PCDH9: variants seen among roughly 807,000 people sequenced by gnomAD.
PCDH9 encodes protocadherin-9.
A neutral mutation model predicts 70.6 loss-of-function variants in PCDH9; 24 were observed. The ratio of observed to expected loss-of-function variants is 0.34; its 90% CI spans 0.25 to 0.48. PCDH9 has a LOEUF of 0.48. Among genes scored for constraint, PCDH9 ranks in the 20% least tolerant of loss-of-function variants. The pLI is 0.99. For synonymous variants in PCDH9, 562 were observed against 558.5 expected (o/e 1.01, Z -0.09); for missense variants, 1,281 against 1,503.6 (o/e 0.85, Z 2.45).
chr13:67,097,091 C>CA (rs11454471), intron 2 of PCDH9, among the ~76,000 whole-genome samples: 93,301 of 142,186 alleles, frequency 0.66, 30,033 homozygotes, highest in East Asian at 0.84. Flanking sequence ...ACAGAAAATA[C>CA]AAAAAAAAAA....
At chr13:66,367,042 T>C (rs1956564776) in intron 4 of PCDH9, among the ~76,000 whole-genome samples, 1 of 152,160 alleles carries the variant, frequency 6.6e-6, no homozygotes, top group African/African-American at 2.4e-5. Flanking sequence ...TATAAAATAA[T>C]CTTCACAGCT....
intron 4 of PCDH9, among the ~76,000 whole-genome samples, chr13:66,412,868 A>G (rs551561291): frequency 2.0e-5 from 3 of 152,276 alleles, no homozygotes; most frequent in South Asian, 4.1e-4. Context: ...TGCCCTAGAT[A>G]CTGAAAATGT....
chr13:66,869,477 T>C (rs2081633608), intron 3 of PCDH9, among the ~76,000 whole-genome samples: 2 of 152,228 alleles, frequency 1.3e-5, no homozygotes, highest in East Asian at 1.9e-4. Context: ...AGCAAAAGAA[T>C]TGGGATTTAA....
At chr13:66,997,868 C>A (rs1202817264) in intron 2 of PCDH9, among the ~76,000 whole-genome samples, 1 of 151,860 alleles carries the variant, frequency 6.6e-6, no homozygotes, top group African/African-American at 2.4e-5. Context: ...TTAGAGGGAA[C>A]AAAACAACCA....
intron 3 of PCDH9, among the ~76,000 whole-genome samples, chr13:66,755,424 T>A (rs2139236060): frequency 6.6e-6 from 1 of 152,260 alleles, no homozygotes; most frequent in African/African-American, 2.4e-5. Context: ...TTCGTTGAAA[T>A]AAAGCAGTGG....
chr13:66,664,324 C>T (rs992058460), intron 3 of PCDH9, among the ~76,000 whole-genome samples: 7 of 152,160 alleles, frequency 4.6e-5, no homozygotes, highest in African/African-American at 1.7e-4. Flanking sequence ...GCAATGTCAT[C>T]AGGTTAAGAG....
Position 66,954,069 on chromosome 13 carries a change from G to C in PCDH9, c.3037-50464C>G, listed in dbSNP as rs548393876. On this transcript the variant is annotated intron_variant, in intron 2 of 4. Transcript: ENST00000377865. The stretch of plus-strand genomic sequence containing the variant: ...AATGAAGAAGCCTCTGATTAGGCAG[G>C]GCCATCCATCTAAAACAGTGGGGCT... 4.6e-5 allele frequency among the ~76,000 whole-genome samples: 7 copies of C among 152,202 alleles called. No homozygotes were observed. The South Asian group carries it at 1.4e-3, about 32-fold the overall frequency.
chr13:66,613,336 G>T (rs545287153), intron 4 of PCDH9, among the ~76,000 whole-genome samples: 38 of 152,246 alleles, frequency 2.5e-4, no homozygotes, highest in African/African-American at 9.1e-4. Flanking sequence ...AGAATAAGAG[G>T]TTCTTCCCCA....
chr13:66,963,787 T>C (rs1003334524), intron 2 of PCDH9, among the ~76,000 whole-genome samples: 5 of 152,190 alleles, frequency 3.3e-5, no homozygotes, highest in Non-Finnish European at 7.4e-5. Flanking sequence ...TAAGTCAACG[T>C]CCAATGAAAT....
At chr13:66,337,274 T>C (rs1259083933) in intron 4 of PCDH9, among the ~76,000 whole-genome samples, 3 of 152,070 alleles carry the variant, frequency 2.0e-5, no homozygotes, top group African/African-American at 4.8e-5. Flanking sequence ...TTTATATATA[T>C]ATTTATCAAC....
At chr13:66,666,999 T>C (rs2078105601) in intron 3 of PCDH9, among the ~76,000 whole-genome samples, 1 of 152,194 alleles carries the variant, frequency 6.6e-6, no homozygotes. Context: ...GAATCTGTAA[T>C]GGTAGCCTTA....
intron 2 of PCDH9, among the ~76,000 whole-genome samples, chr13:67,176,703 G>A (rs1207575600): frequency 6.6e-6 from 1 of 151,880 alleles, no homozygotes; most frequent in Non-Finnish European, 1.5e-5. Flanking sequence ...CCCTCTTTAT[G>A]TAATTGTACC....
intron 3 of PCDH9, among the ~76,000 whole-genome samples, chr13:66,761,687 A>C (rs2079630257): frequency 6.6e-6 from 1 of 151,838 alleles, no homozygotes; most frequent in African/African-American, 2.4e-5. Context: ...CAATTATTTT[A>C]TTTTTCATCT....
chr13:66,985,656 ATGCTCAGCTGCTGTAC>A (rs1420601135), intron 2 of PCDH9: 1 of 152,112 alleles, frequency 6.6e-6, no homozygotes, highest in Non-Finnish European at 1.5e-5. Flanking sequence ...TCAGTGAATC[ATGCTCAGCTGCTGTAC>A]TGTTCAATCT....
chr13:66,369,599 G>T (rs191880099), intron 4 of PCDH9, among the ~76,000 whole-genome samples: 1 of 152,176 alleles, frequency 6.6e-6, no homozygotes, highest in East Asian at 1.9e-4. Context: ...TGAAAAAGAA[G>T]GTAATTTTAT....
rs548231591 is a variant in PCDH9, at chr13:66,966,502, A to G, written c.3037-62897T>C. Among the ~76,000 whole-genome samples the G allele has an allele frequency of 1.8e-4, 27 of 152,256 alleles. No homozygotes were observed. In the South Asian group the frequency reaches 5.6e-3, roughly 32 times the overall value. ...GGCTGCCAATAAGGAGGATGTTCTCAGGAAAATAGAATCATTTACTAGGAA... is the reference window on the plus strand; with the variant it reads ...GGCTGCCAATAAGGAGGATGTTCTCGGGAAAATAGAATCATTTACTAGGAA... On this transcript the variant is annotated intron_variant, in intron 2 of 4. Coordinates refer to ENST00000377865, the MANE Select transcript of PCDH9 (RefSeq NM_203487.3).
chr13:66,381,841 T>C, intron 4 of PCDH9, among the ~76,000 whole-genome samples: 1 of 152,230 alleles, frequency 6.6e-6, no homozygotes, highest in East Asian at 1.9e-4. Flanking sequence ...ACCCTGGCTC[T>C]ACTTTAGAAC....
At chr13:66,482,742 C>G (rs944470993) in intron 4 of PCDH9, among the ~76,000 whole-genome samples, 9 of 152,144 alleles carry the variant, frequency 5.9e-5, no homozygotes, top group African/African-American at 2.2e-4. Flanking sequence ...TTTATGTATT[C>G]TTTATTCTGA....
At chr13:66,904,303 A>G (rs564324310) in intron 2 of PCDH9, among the ~76,000 whole-genome samples, 1 of 152,190 alleles carries the variant, frequency 6.6e-6, no homozygotes, top group African/African-American at 2.4e-5. Context: ...CTCTGTGAAC[A>G]TATTAAAATG....
Sources: gnomAD v4.1 joint callset for allele counts (sites outside exome capture counted in the v4.1 genomes callset) on GRCh38, gnomAD v4.1.1 for gene constraint, MANE v1.5 for transcripts, NCBI Gene and HGNC (gene_info 2026-07-23, HGNC 2026-07-21) for gene names.